Variants in SPAG17 observed in about 807,000 individuals in gnomAD.
SPAG17 encodes sperm-associated antigen 17.
A neutral mutation model predicts 273.6 loss-of-function variants in SPAG17; 169 were observed. That is an observed-to-expected ratio of 0.62 (90% CI 0.55 to 0.70). SPAG17 has a LOEUF of 0.70. Among genes scored for constraint, SPAG17 ranks in the 30% least tolerant of loss-of-function variants. The pLI is 0.00. For synonymous variants in SPAG17, 825 were observed against 873.2 expected (o/e 0.94, Z 0.97); for missense variants, 2,557 against 2,627.8 (o/e 0.97, Z 0.59).
chr1:117,972,792 T>G (rs1654713239), intron 44 of SPAG17, among the ~76,000 whole-genome samples: 1 of 151,964 alleles, frequency 6.6e-6, no homozygotes, highest in Non-Finnish European at 1.5e-5. Context: ...AAAAGATAAT[T>G]ATCAAAACTG....
chr1:118,153,258 T>C (rs1315143056), intron 1 of SPAG17, among the ~76,000 whole-genome samples: 1 of 152,172 alleles, frequency 6.6e-6, no homozygotes, highest in Non-Finnish European at 1.5e-5. Flanking sequence ...GCATATGTTA[T>C]CTCATTGAAT....
At chr1:118,163,693 C>G (rs958048290) in intron 1 of SPAG17, among the ~76,000 whole-genome samples, 1 of 151,912 alleles carries the variant, frequency 6.6e-6, no homozygotes, top group African/African-American at 2.4e-5. Flanking sequence ...CACCTAAGCC[C>G]AGACTCCCCA....
chr1:118,147,520 G>A (rs1164064552), intron 3 of SPAG17, among the ~76,000 whole-genome samples: 2 of 152,126 alleles, frequency 1.3e-5, no homozygotes, highest in Non-Finnish European at 2.9e-5. Flanking sequence ...ACAGTTCCTA[G>A]TAGAGCAAAA....
In SPAG17 at chr1:118,016,067, T is replaced by C. The variant is rs769509592; in HGVS notation, c.4185A>G (p.Thr1395=). 3.0e-5 allele frequency: 49 copies of C among 1,613,964 alleles called. No homozygotes were observed. Among genetic ancestry groups the C allele is most frequent in the Non-Finnish European group, 4.2e-5 (49 of 1,179,980 alleles). Residue 1395 remains threonine, a synonymous_variant, in exon 29 of 49, where the codon ACA becomes ACG. Transcript: ENST00000336338. ...CGATCCGATTTCCTTCAGGTGTGGT[T>C]GTAAACCAGGTGCCTATGTGAACCT... is the stretch of plus-strand genomic sequence containing the variant. ...PVEVHIGTWF[T]TTPEGNRIGT...
intron 3 of SPAG17, among the ~76,000 whole-genome samples, chr1:118,117,551 T>C (rs1173280579): frequency 6.6e-6 from 1 of 152,146 alleles, no homozygotes; most frequent in African/African-American, 2.4e-5. Context: ...AACAGTGAGG[T>C]CCTGCCCTGA....
chr1:118,151,045 A>G (rs1659350041), intron 2 of SPAG17, among the ~76,000 whole-genome samples, 184 bp downstream of exon 2: 1 of 152,262 alleles, frequency 6.6e-6, no homozygotes, highest in Non-Finnish European at 1.5e-5. Flanking sequence ...AACAAAATTA[A>G]TAAACAAAAA....
chr1:118,077,190 T>C (rs1276013484), intron 15 of SPAG17, among the ~76,000 whole-genome samples: 1 of 151,826 alleles, frequency 6.6e-6, no homozygotes, highest in Non-Finnish European at 1.5e-5. Flanking sequence ...TGATTCAGAG[T>C]TAGGGAAAGA....
At position 118,039,422 on chromosome 1, in the gene SPAG17, T is replaced by C. The variant is rs766235515; in HGVS notation, c.3189A>G (p.Arg1063=). 27 of 1,613,436 alleles carry C rather than the reference T, an allele frequency of 1.7e-5. No homozygotes were observed. Among genetic ancestry groups the C allele is most frequent in the Non-Finnish European group, 2.3e-5 (27 of 1,179,588 alleles). ...TAAAATTGTGGTTGTCCTTTACCAC[T>C]CTCACTTTGATAAAAGTTGGGCCTG... ...FEKGPTFIKV[R]VVKDNHNFMI... The change falls in exon 23 of 49, where the codon AGA becomes AGG. Residue 1063 remains arginine, a synonymous_variant. Transcript: ENST00000336338.
intron 20 of SPAG17, among the ~76,000 whole-genome samples, chr1:118,045,799 G>A (rs1191414486): frequency 6.6e-6 from 1 of 152,154 alleles, no homozygotes; most frequent in Non-Finnish European, 1.5e-5. Flanking sequence ...TGGGTAGTTA[G>A]TATCAGAATG....
chr1:118,147,703 C>A lies in SPAG17; in HGVS notation c.315+2840G>T, dbSNP rs144026073. Among the ~76,000 whole-genome samples, 235 of 152,260 alleles carry A rather than the reference C, an allele frequency of 1.5e-3. 3 individuals are homozygous for A. Among genetic ancestry groups the A allele is most frequent in the East Asian group, 0.013 (68 of 5,180 alleles). ...AATTCTAAGGTTTCAGGGGAAATTA[C>A]ACAATCTCATAATGAGGCTGTGTGT... is the stretch of plus-strand genomic sequence containing the variant. On this transcript the variant is annotated intron_variant, in intron 3 of 48. Transcript: ENST00000336338.
At chr1:118,051,913 A>C (rs1244426012) in intron 20 of SPAG17, among the ~76,000 whole-genome samples, 3 of 135,942 alleles carry the variant, frequency 2.2e-5, no homozygotes, top group African/African-American at 8.2e-5. Flanking sequence ...AACTATTATA[A>C]TACATAAACT....
chr1:118,084,896 G>A (rs958524961), intron 13 of SPAG17, among the ~76,000 whole-genome samples: 5 of 152,034 alleles, frequency 3.3e-5, no homozygotes, highest in East Asian at 1.9e-4. Context: ...AATAGATTTC[G>A]ATTAGATTAA....
At position 118,152,357 on chromosome 1, in the gene SPAG17, T is replaced by A. The variant is rs572046944; in HGVS notation, c.88-988A>T. Among the ~76,000 whole-genome samples, 3 of 152,306 alleles carry A rather than the reference T, an allele frequency of 2.0e-5. No individual in the cohort carries two copies. The East Asian group carries it at 5.8e-4, about 29-fold the overall frequency. On this transcript the variant is annotated intron_variant, in intron 1 of 48. Coordinates refer to ENST00000336338, the MANE Select transcript of SPAG17 (RefSeq NM_206996.4). ...TCCTGGTGAATACCAAAACAATGTCTAAGATTTGAAAAGGTCACACAAATT... is the reference window on the plus strand; with the variant it reads ...TCCTGGTGAATACCAAAACAATGTCAAAGATTTGAAAAGGTCACACAAATT...
chr1:118,095,400 G>T (rs952645932), intron 7 of SPAG17, among the ~76,000 whole-genome samples: 9 of 152,196 alleles, frequency 5.9e-5, no homozygotes, highest in African/African-American at 2.2e-4. Flanking sequence ...TGGAGCAAAA[G>T]GTACTTGGCT....
chr1:118,147,902 T>C (rs1044376436), intron 3 of SPAG17, among the ~76,000 whole-genome samples: 2 of 152,214 alleles, frequency 1.3e-5, no homozygotes, highest in Non-Finnish European at 1.5e-5. Flanking sequence ...TTGCTGCTTC[T>C]AATCAACCAC....
chr1:118,165,695 G>T (rs577812637), intron 1 of SPAG17, among the ~76,000 whole-genome samples: 1 of 144,082 alleles, frequency 6.9e-6, no homozygotes, highest in East Asian at 2.0e-4. Context: ...ACCCAGGTTG[G>T]ACTGCAGTGG....
chr1:118,148,140 T>G (rs907214885), intron 3 of SPAG17, among the ~76,000 whole-genome samples: 2 of 152,136 alleles, frequency 1.3e-5, no homozygotes, highest in Admixed American at 6.5e-5. Context: ...TCTCCCACAG[T>G]GCAGAGTTTC....
chr1:118,147,915 G>A (rs1002669812), intron 3 of SPAG17, among the ~76,000 whole-genome samples: 8 of 152,248 alleles, frequency 5.3e-5, no homozygotes, highest in African/African-American at 1.4e-4. Flanking sequence ...TCAACCACAG[G>A]CTAGGAAACC....
intron 48 of SPAG17, chr1:117,959,062 T>C: frequency 6.6e-7 from 1 of 1,518,536 alleles, no homozygotes; most frequent in Non-Finnish European, 9.1e-7. Flanking sequence ...GATTTAGAAA[T>C]AGTATAGTAT....
Sources: gnomAD v4.1 joint callset for allele counts (sites outside exome capture counted in the v4.1 genomes callset) on GRCh38, gnomAD v4.1.1 for gene constraint, MANE v1.5 for transcripts, NCBI Gene and HGNC (gene_info 2026-07-23, HGNC 2026-07-21) for gene names.